The following FAM222B variants were observed in gnomAD, a reference collection of about 807,000 sequenced individuals.
The protein encoded by FAM222B is family with sequence similarity 222 member B.
In FAM222B, 12 loss-of-function variants were observed where a neutral mutation model predicts 38.0. The observed-to-expected ratio is 0.32, with a 90% CI of 0.20 to 0.51. The LOEUF is 0.51. FAM222B is among the 20% of genes least tolerant of loss of function. The pLI is 0.97. For missense variants in FAM222B, 716 were observed against 754.2 expected (o/e 0.95, Z 0.59); for synonymous variants, 329 against 317.2 (o/e 1.04, Z -0.40).
At chr17:28,844,218 T>G (rs1347854912), upstream of FAM222B, among the ~76,000 whole-genome samples, 1 of 152,082 alleles carries the variant, frequency 6.6e-6, no homozygotes, top group Non-Finnish European at 1.5e-5. Context: ...CTAAACTCTC[T>G]CCTCATCACC....
chr17:28,758,438 C>G lies in FAM222B; in HGVS notation c.1521G>C (p.Gln507His). 5 of 1,613,894 alleles carry G rather than the reference C, an allele frequency of 3.1e-6. No individual in the cohort carries two copies. The highest frequency in any genetic ancestry group is 3.4e-6 in the Non-Finnish European group (4 of 1,179,874). ...AATCCACTGTTTGCATCAAGCTGTT[C>G]TGGCTTGCCACTGGACCGCCCCCGG... ...AGTGGGPVAS[Q>H]NSLMQTVDYL... The change falls in exon 3 of 3, where the codon CAG (glutamine) becomes CAC (histidine). Residue 507 changes from glutamine to histidine, a missense_variant. Physicochemically the swap from Gln to His is conservative, Grantham distance 24. Transcript: ENST00000581407.
chr17:28,836,924 C>G (rs1463031096), intron 1 of FAM222B, among the ~76,000 whole-genome samples: 1 of 152,032 alleles, frequency 6.6e-6, no homozygotes, highest in Non-Finnish European at 1.5e-5. Flanking sequence ...TCGAGACCAG[C>G]CCAGCCAACA....
At chr17:28,810,816 T>G (rs2037724794) in intron 1 of FAM222B, among the ~76,000 whole-genome samples, 1 of 152,166 alleles carries the variant, frequency 6.6e-6, no homozygotes, top group African/African-American at 2.4e-5. Flanking sequence ...GCTGAAATGG[T>G]TTCCTATCCC....
intron 1 of FAM222B, among the ~76,000 whole-genome samples, chr17:28,852,090 T>C (rs568246510): frequency 6.6e-6 from 1 of 151,258 alleles, no homozygotes. Flanking sequence ...CAACGTGGCC[T>C]GGCGCGGTGG....
rs561563846 is a variant in FAM222B at position 28,804,979 on chromosome 17, G to A, written c.-41+37703C>T. Among the ~76,000 whole-genome samples, 17 of 152,086 alleles carry A rather than the reference G, an allele frequency of 1.1e-4. No homozygotes were observed. In the East Asian group the frequency reaches 2.9e-3, roughly 26 times the overall value. ...GGGAATGGCGTGAACCCCATTGGCA[G>A]AGCTTGCAGTGAGCCGAGATCACGC... On this transcript the variant is annotated intron_variant, in intron 1 of 2. Coordinates refer to ENST00000581407, the MANE Select transcript of FAM222B (RefSeq NM_001077498.3).
At chr17:28,838,661 CT>C (rs980061453) in intron 1 of FAM222B, among the ~76,000 whole-genome samples, 2 of 152,054 alleles carry the variant, frequency 1.3e-5, no homozygotes, top group African/African-American at 4.8e-5. Flanking sequence ...AATCCCAGCA[CT>C]TTGGGAGGCC....
At chr17:28,798,798 T>C (rs374749880) in intron 1 of FAM222B, among the ~76,000 whole-genome samples, 2 of 151,574 alleles carry the variant, frequency 1.3e-5, no homozygotes, top group Admixed American at 6.6e-5. Flanking sequence ...TTTGTATTTT[T>C]AGTAGAGACA....
Position 28,758,641 on chromosome 17 carries a change from C to T in FAM222B, c.1318G>A (p.Ala440Thr). 1 of 1,611,098 alleles carries T rather than the reference C, an allele frequency of 6.2e-7. No homozygotes were observed. The highest frequency in any genetic ancestry group is 8.5e-7 in the Non-Finnish European group (1 of 1,178,958). ...TPSPPVNGMAAPLAYPNGHYF... is the reference protein window; with the variant it reads ...TPSPPVNGMATPLAYPNGHYF... ...TGACCATTGGGGTAGGCCAATGGGG[C>T]TGCCATGCCGTTGACTGGTGGGGAT... The change falls in exon 3 of 3, where the codon GCC (alanine) becomes ACC (threonine). Residue 440 changes from alanine (A) to threonine (T), a missense_variant. Ala to Thr is a moderately conservative substitution (Grantham distance 58). Transcript: ENST00000581407.
intron 1 of FAM222B, among the ~76,000 whole-genome samples, chr17:28,830,247 C>T (rs1391780892): frequency 2.0e-5 from 3 of 150,946 alleles, no homozygotes; most frequent in East Asian, 3.9e-4. Flanking sequence ...CCACAAGCTC[C>T]GCCTCCCAGG....
intron 1 of FAM222B, among the ~76,000 whole-genome samples, chr17:28,836,119 A>G (rs1419927905): frequency 1.3e-5 from 2 of 151,484 alleles, no homozygotes; most frequent in Admixed American, 1.3e-4. Flanking sequence ...CCTCTCAGGT[A>G]GCTGGGATTA....
chr17:28,819,938 T>A (rs2151942618), intron 1 of FAM222B, among the ~76,000 whole-genome samples: 1 of 152,226 alleles, frequency 6.6e-6, no homozygotes, highest in South Asian at 2.1e-4. Flanking sequence ...AGTCTTCCCA[T>A]CAAAGAGGAA....
intron 1 of FAM222B, among the ~76,000 whole-genome samples, chr17:28,827,566 G>C (rs991352781): frequency 6.6e-6 from 1 of 152,172 alleles, no homozygotes; most frequent in Non-Finnish European, 1.5e-5. Flanking sequence ...TAGCCCATCA[G>C]CAAGAGTGAT....
chr17:28,820,240 G>A (rs1243277238), intron 1 of FAM222B, among the ~76,000 whole-genome samples: 2 of 152,078 alleles, frequency 1.3e-5, no homozygotes, highest in Admixed American at 1.3e-4. Context: ...TATTGTTAAT[G>A]TCACTTAAAA....
rs1343875124 is a variant in FAM222B at position 28,766,653 on chromosome 17, T to G, written c.15A>C (p.Leu5=). 4.4e-6 allele frequency: 7 copies of G among 1,604,220 alleles called. No homozygotes were observed. The highest frequency in any genetic ancestry group is 4.3e-6 in the Non-Finnish European group (5 of 1,175,202). The change falls in exon 2 of 3, where the codon CTA becomes CTC. Residue 5 remains leucine (L), a synonymous_variant. Transcript: ENST00000581407. MLAC[L]PGPGDLSFQL... ...GAAAGGACAGGTCACCTGGCCCTGG[T>G]AGACAGGCTAGCATGGCAGATTGGC... is the stretch of plus-strand genomic sequence containing the variant.
At position 28,756,252 on chromosome 17, in the gene FAM222B, G is replaced by T. The variant is rs2034682698; in HGVS notation, c.*2018C>A. 1 of 152,806 alleles carries T rather than the reference G, an allele frequency of 6.5e-6. No individual in the cohort carries two copies. Among genetic ancestry groups the T allele is most frequent in the Admixed American group, 6.6e-5 (1 of 15,260 alleles). The allele number at this position is 152,806 out of a possible 1,614,324, so 9.5% of individuals were successfully genotyped here. ...AAAGAAGGAACATCTCACACCAAAG[G>T]CGAGGGCAGTTGGGGGCAGGGGGAT... On this transcript the variant is annotated 3_prime_UTR_variant, in exon 3 of 3. Transcript: ENST00000581407.
chr17:28,808,509 C>T (rs568432879), intron 1 of FAM222B, among the ~76,000 whole-genome samples: 1 of 152,328 alleles, frequency 6.6e-6, no homozygotes, highest in South Asian at 2.1e-4. Flanking sequence ...CCTAAGCAAC[C>T]ATTCTTTAGG....
At chr17:28,830,639 G>C (rs1218670040) in intron 1 of FAM222B, among the ~76,000 whole-genome samples, 1 of 151,724 alleles carries the variant, frequency 6.6e-6, no homozygotes, top group Admixed American at 6.6e-5. Context: ...TCATATCTAA[G>C]AACTCTTTGC....
intron 1 of FAM222B, among the ~76,000 whole-genome samples, chr17:28,848,244 T>A (rs983281883): frequency 6.6e-6 from 1 of 152,104 alleles, no homozygotes; most frequent in African/African-American, 2.4e-5. Flanking sequence ...GTACGTTTTA[T>A]CTCCCTGGGT....
intron 1 of FAM222B, chr17:28,848,990 GGT>G (rs2039163841): frequency 6.6e-6 from 1 of 151,400 alleles, no homozygotes; most frequent in South Asian, 2.1e-4. Flanking sequence ...GGCCGGGCGC[GGT>G]GGCTTACGCC....
Sources: allele counts gnomAD v4.1 joint callset (sites outside exome capture counted in the v4.1 genomes callset), GRCh38; gene constraint gnomAD v4.1.1; transcripts MANE v1.5; gene names NCBI Gene and HGNC (gene_info 2026-07-23, HGNC 2026-07-21).